Variants in UMOD observed in about 807,000 individuals in gnomAD.
UMOD encodes the protein Tamm-Horsfall urinary glycoprotein.
A neutral mutation model predicts 66.0 loss-of-function variants in UMOD; 64 were observed. The ratio of observed to expected loss-of-function variants is 0.97; its 90% CI spans 0.79 to 1.19. UMOD has a LOEUF of 1.19. UMOD is among the 50% of genes most tolerant of loss of function. The pLI, the probability that UMOD is intolerant of heterozygous loss-of-function variation, is 0.00. For missense variants in UMOD, 764 were observed against 850.9 expected (o/e 0.90, Z 1.27); for synonymous variants, 398 against 352.7 (o/e 1.13, Z -1.44).
In UMOD at chr16:20,348,872, C is replaced by T. The variant is rs772924391; in HGVS notation, c.429G>A (p.Gly143=). ...GGGAGCACTCACAGTGCCATCCATC[C>T]CCCCGGTAGCCCGCGGGGCATACGC... ...YLCVCPAGYR[G]DGWHCECSPG... is the part of the protein sequence containing the mutation. The change falls in exon 3 of 11, where the codon GGG becomes GGA. Residue 143 remains glycine, a synonymous_variant. Coordinates refer to ENST00000396138, the MANE Select transcript of UMOD (RefSeq NM_003361.4). 3.9e-6 allele frequency: 6 copies of T among 1,549,876 alleles called. No homozygotes were observed. Among genetic ancestry groups the T allele is most frequent in the Non-Finnish European group, 5.2e-6 (6 of 1,147,702 alleles).
At chr16:20,337,674 G>GT (rs2141636118) in intron 7 of UMOD, among the ~76,000 whole-genome samples, 1 of 152,282 alleles carries the variant, frequency 6.6e-6, no homozygotes, top group East Asian at 1.9e-4. Context: ...CTCAAAGTGC[G>GT]TAGAACTGTG....
chr16:20,349,787 A>G, intron 2 of UMOD: 1 of 1,543,384 alleles, frequency 6.5e-7, no homozygotes, highest in South Asian at 1.2e-5. Flanking sequence ...GGCTGGTGAA[A>G]TCTTCATCAG....
At chr16:20,353,528 T>A (rs930589612), upstream of UMOD, among the ~76,000 whole-genome samples, 3 of 152,166 alleles carry the variant, frequency 2.0e-5, no homozygotes, top group African/African-American at 7.2e-5. Flanking sequence ...GCAAGTAAAG[T>A]CATATAGTAA....
At chr16:20,341,823 A>G (rs182026809) in intron 6 of UMOD, among the ~76,000 whole-genome samples, 1 of 152,338 alleles carries the variant, frequency 6.6e-6, no homozygotes, top group East Asian at 1.9e-4. Context: ...CTCCATCGTG[A>G]TGTACTAACA....
At position 20,344,117 on chromosome 16, in the gene UMOD, A is replaced by G; in HGVS notation, c.1238T>C (p.Ile413Thr). 2 of 1,450,488 alleles carry G rather than the reference A, an allele frequency of 1.4e-6. No homozygotes were observed. The highest frequency in any genetic ancestry group is 1.9e-6 in the Non-Finnish European group (2 of 1,077,648). The allele number at this position is 1,450,488 out of a possible 1,614,324, so 89.9% of individuals were successfully genotyped here. A position where few individuals can be genotyped will look rare whatever the true frequency, so the allele number is the denominator to read the frequency against. Residue 413 changes from isoleucine (I) to threonine (T), a missense_variant, in exon 6 of 11, where the codon ATC (isoleucine) becomes ACC (threonine). By Grantham distance (89) the Ile-to-Thr change is moderately conservative. Transcript: ENST00000396138. ...SNTLYLADEI[I>T]IRDLNIKINF... ...GATTTTGATGTTGAGGTCACGGATG[A>G]TGATCTCATCTGCCAGGTAGAGGGT...
rs1965578881 is a variant in UMOD, at chr16:20,346,229, T to C, written c.1079A>G (p.Tyr360Cys). The C allele has an allele frequency of 6.2e-7, 1 of 1,614,254 alleles. No individual in the cohort carries two copies. Residue 360 changes from tyrosine to cysteine, a missense_variant, in exon 5 of 11, where the codon TAC (tyrosine) becomes TGC (cysteine). Coordinates refer to ENST00000396138, the MANE Select transcript of UMOD (RefSeq NM_003361.4). ...KSLGFDKVFMYLSDSRCSGFN... is the reference protein window; with the variant it reads ...KSLGFDKVFMCLSDSRCSGFN... ...GCCCGAGCACCGGCTGTCACTCAGG[T>C]ACATGAAGACCTTGTCGAAGCCCAG...
chr16:20,351,740 G>T (rs564744194), intron 1 of UMOD, among the ~76,000 whole-genome samples: 4 of 152,116 alleles, frequency 2.6e-5, no homozygotes, highest in Non-Finnish European at 5.9e-5. Context: ...ATTTTATGTT[G>T]CCAGGTGCAG....
chr16:20,337,707 A>G (rs1964965154), intron 7 of UMOD, among the ~76,000 whole-genome samples: 1 of 152,226 alleles, frequency 6.6e-6, no homozygotes. Flanking sequence ...TAGGTGCTTT[A>G]TATATTTGAT....
chr16:20,338,221 G>A (rs1407194713), intron 7 of UMOD, among the ~76,000 whole-genome samples: 1 of 152,176 alleles, frequency 6.6e-6, no homozygotes, highest in African/African-American at 2.4e-5. Context: ...AGGTTAAGTG[G>A]ACTCAACTCC....
Position 20,333,264 on chromosome 16 carries a change from C to A in UMOD, c.*50G>T. The A allele has an allele frequency of 6.4e-7, 1 of 1,570,308 alleles. No individual in the cohort carries two copies. The highest frequency in any genetic ancestry group is 2.3e-5 in the East Asian group (1 of 44,308). On this transcript the variant is annotated 3_prime_UTR_variant, in exon 11 of 11. Transcript: ENST00000396138. Reference sequence around the variant, plus strand: ...ACTGGCCCGCATCATGCCCCCTGCCCAGCAGGAGGTGAGATGGCAGCCATG... The same window carrying A: ...ACTGGCCCGCATCATGCCCCCTGCCAAGCAGGAGGTGAGATGGCAGCCATG...
At chr16:20,346,606 C>T (rs1221804308) in intron 4 of UMOD, among the ~76,000 whole-genome samples, 1 of 151,934 alleles carries the variant, frequency 6.6e-6, no homozygotes, top group African/African-American at 2.4e-5. Context: ...TTTTGATGTC[C>T]CAGCATTAAA....
At chr16:20,344,856 C>G (rs1965454781) in intron 5 of UMOD, among the ~76,000 whole-genome samples, 1 of 152,168 alleles carries the variant, frequency 6.6e-6, no homozygotes, top group Admixed American at 6.5e-5. Flanking sequence ...TTCATAGTAA[C>G]AGAGTCACTG....
Position 20,344,070 on chromosome 16 carries a change from G to A in UMOD, c.1285C>T (p.Leu429=). Residue 429 remains leucine, a synonymous_variant, in exon 6 of 11, where the codon CTG becomes TTG. Transcript: ENST00000396138. ...IKINFACSYP[L]DMKVSLKTAL... is the part of the protein sequence containing the mutation. Reference sequence around the variant, plus strand: ...GTCTTCAGGCTGACTTTCATGTCCAGGGGGTAGGAGCATGCAAAGTTGATT... The same window carrying A: ...GTCTTCAGGCTGACTTTCATGTCCAAGGGGTAGGAGCATGCAAAGTTGATT... The A allele has an allele frequency of 6.2e-7, 1 of 1,614,012 alleles. No individual in the cohort carries two copies.
chr16:20,336,740 G>T lies in UMOD; in HGVS notation c.1741-13C>A. 1 of 1,613,130 alleles carries T rather than the reference G, an allele frequency of 6.2e-7. No individual in the cohort carries two copies. Among genetic ancestry groups the T allele is most frequent in the South Asian group, 1.1e-5 (1 of 91,024 alleles). ...TCCCAGAGCAGGTCTACAGGGAGAGGGCAATAGAAAAACACCCTCCATGAA... is the reference window on the plus strand; with the variant it reads ...TCCCAGAGCAGGTCTACAGGGAGAGTGCAATAGAAAAACACCCTCCATGAA... On this transcript the variant is annotated splice_polypyrimidine_tract_variant and intron_variant, in intron 8 of 10. Coordinates refer to ENST00000396138, the MANE Select transcript of UMOD (RefSeq NM_003361.4).
At chr16:20,348,411 G>C (rs763436439) in intron 3 of UMOD, 25 bp downstream of exon 3, 91 of 1,614,010 alleles carry the variant, frequency 5.6e-5, no homozygotes, top group Non-Finnish European at 7.2e-5. Flanking sequence ...CCTGGGATGA[G>C]GACTGTGGGG....
upstream of UMOD, among the ~76,000 whole-genome samples, chr16:20,355,409 CTT>C (rs71377648): frequency 1.9e-4 from 27 of 139,198 alleles, no homozygotes; most frequent in Non-Finnish European, 2.0e-4. Context: ...TTTTCTTCTT[CTT>C]TTTTTTTTTT....
chr16:20,344,352 C>G (rs896417223), intron 5 of UMOD, among the ~76,000 whole-genome samples, 180 bp from the exon 6 acceptor site: 6 of 152,146 alleles, frequency 3.9e-5, no homozygotes, highest in African/African-American at 1.4e-4. Flanking sequence ...CTTGTAATCC[C>G]AGCACTTTGG....
chr16:20,354,506 G>A (rs1966001497), upstream of UMOD, among the ~76,000 whole-genome samples: 1 of 152,136 alleles, frequency 6.6e-6, no homozygotes, highest in South Asian at 2.1e-4. Context: ...GATGAAAAGG[G>A]AAGTTATCTC....
intron 7 of UMOD, 84 bp downstream of exon 7, chr16:20,341,007 A>AG: frequency 6.9e-7 from 1 of 1,438,958 alleles, no homozygotes; most frequent in Non-Finnish European, 9.5e-7. Flanking sequence ...AAAAAAAAAA[A>AG]AAGATGCAAT....
Sources: gnomAD v4.1 joint callset for allele counts (sites outside exome capture counted in the v4.1 genomes callset) on GRCh38, gnomAD v4.1.1 for gene constraint, MANE v1.5 for transcripts, NCBI Gene and HGNC (gene_info 2026-07-23, HGNC 2026-07-21) for gene names.